PDE4D: variants seen among roughly 807,000 people sequenced by gnomAD.
PDE4D encodes the protein phosphodiesterase 4D.
In PDE4D, 24 loss-of-function variants were observed where a neutral mutation model predicts 87.4. The ratio of observed to expected loss-of-function variants is 0.27; its 90% CI spans 0.20 to 0.39. The LOEUF is 0.39. PDE4D is among the 10% of genes least tolerant of loss of function. The pLI, the probability that PDE4D is intolerant of heterozygous loss-of-function variation, is 1.00. For synonymous variants in PDE4D, 384 were observed against 383.2 expected, an observed-to-expected ratio of 1.00 and a Z score of -0.02; for missense variants, 714 against 1,041.0, an observed-to-expected ratio of 0.69 and a Z score of 4.32.
chr5:59,563,803 G>T (rs1820451359), intron 1 of PDE4D, among the ~76,000 whole-genome samples: 1 of 152,172 alleles, frequency 6.6e-6, no homozygotes, highest in Admixed American at 6.5e-5. Flanking sequence ...AAAAGTTCTG[G>T]TCTTACTCCT....
chr5:59,972,489 G>A (rs1760889874), intron 3 of PDE4D, among the ~76,000 whole-genome samples: 1 of 152,214 alleles, frequency 6.6e-6, no homozygotes, highest in African/African-American at 2.4e-5. Flanking sequence ...ATCAAACCTA[G>A]GTCGCTCACA....
At chr5:59,090,807 C>CTTTTTTTTTTTTTTTTTTTT (rs61610340) in intron 5 of PDE4D, among the ~76,000 whole-genome samples, 3 of 106,020 alleles carry the variant, frequency 2.8e-5, no homozygotes, top group Non-Finnish European at 3.8e-5. Flanking sequence ...TTTTCTTTTT[C>CTTTTTTTTTTTTTTTTTTTT]TTTTTTTTTT....
intron 1 of PDE4D, among the ~76,000 whole-genome samples, chr5:60,288,475 C>T (rs893419448): frequency 4.6e-5 from 7 of 152,032 alleles, no homozygotes; most frequent in African/African-American, 1.4e-4. Flanking sequence ...CAAAATAAAA[C>T]AAAACAAAAA....
intron 1 of PDE4D, among the ~76,000 whole-genome samples, chr5:59,806,277 C>A (rs980566034): frequency 7.9e-5 from 12 of 152,188 alleles, no homozygotes; most frequent in African/African-American, 2.9e-4. Flanking sequence ...CACCTTGGAG[C>A]AGAGGTTCTC....
chr5:59,449,352 G>C (rs966595677), intron 1 of PDE4D, among the ~76,000 whole-genome samples: 1 of 152,146 alleles, frequency 6.6e-6, no homozygotes, highest in African/African-American at 2.4e-5. Flanking sequence ...GTTTGTGCTG[G>C]AAATTTTCCA....
At chr5:59,285,161 AT>A (rs891124365) in intron 1 of PDE4D, among the ~76,000 whole-genome samples, 2 of 142,964 alleles carry the variant, frequency 1.4e-5, no homozygotes, top group Non-Finnish European at 3.0e-5. Context: ...ATGTATACAT[AT>A]GTAACTAACC....
At chr5:59,336,495 G>A (rs915043707) in intron 1 of PDE4D, among the ~76,000 whole-genome samples, 1 of 152,176 alleles carries the variant, frequency 6.6e-6, no homozygotes, top group East Asian at 1.9e-4. Flanking sequence ...GTTAGAAGCA[G>A]GTGTAATTAA....
intron 5 of PDE4D, among the ~76,000 whole-genome samples, chr5:59,141,502 T>C (rs1460406221): frequency 6.6e-6 from 1 of 152,210 alleles, no homozygotes; most frequent in Admixed American, 6.5e-5. Flanking sequence ...AGGCTTCTCC[T>C]GGAAAGTAAA....
At chr5:60,282,208 C>CATAT (rs140298004) in intron 1 of PDE4D, among the ~76,000 whole-genome samples, 2,887 of 128,288 alleles carry the variant, frequency 0.023, 58 homozygotes, top group East Asian at 0.071. Context: ...GAGAAATAAA[C>CATAT]ATATATATAT....
At chr5:59,412,492 T>C (rs1792864825) in intron 1 of PDE4D, among the ~76,000 whole-genome samples, 1 of 152,156 alleles carries the variant, frequency 6.6e-6, no homozygotes, top group Non-Finnish European at 1.5e-5. Flanking sequence ...AGAGGGGAGC[T>C]GAGGGTCTGT....
intron 6 of PDE4D, among the ~76,000 whole-genome samples, chr5:59,004,343 G>T (rs887374139): frequency 6.6e-6 from 1 of 152,162 alleles, no homozygotes; most frequent in African/African-American, 2.4e-5. Flanking sequence ...GAGAATAATA[G>T]TTTCTACCTT....
intron 1 of PDE4D, among the ~76,000 whole-genome samples, chr5:60,453,267 T>C (rs1395323839): frequency 6.6e-6 from 1 of 152,124 alleles, no homozygotes; most frequent in Non-Finnish European, 1.5e-5. Flanking sequence ...GATTGTGTAG[T>C]CGCAAACCTG....
At position 59,183,016 on chromosome 5, in the gene PDE4D, G is replaced by A. The variant is rs529434009; in HGVS notation, c.758+2173C>T. On this transcript the variant is annotated intron_variant, in intron 4 of 14. Coordinates refer to ENST00000340635, the MANE Select transcript of PDE4D (RefSeq NM_001104631.2). ...TTCCATAAAATCCAAGGATGAGCTT[G>A]GAAATGTTCTAGTGGCTCTGTGAGT... 6.6e-5 allele frequency among the ~76,000 whole-genome samples: 10 copies of A among 152,276 alleles called. No individual in the cohort carries two copies. In the East Asian group the frequency reaches 1.9e-3, roughly 29 times the overall value.
intron 1 of PDE4D, among the ~76,000 whole-genome samples, chr5:60,263,155 C>T (rs1204447492): frequency 6.6e-6 from 1 of 152,178 alleles, no homozygotes; most frequent in Non-Finnish European, 1.5e-5. Flanking sequence ...GCCGCAAAGC[C>T]TCTGTTAATG....
At chr5:59,747,780 C>T (rs996522225) in intron 1 of PDE4D, among the ~76,000 whole-genome samples, 2 of 152,164 alleles carry the variant, frequency 1.3e-5, no homozygotes, top group Non-Finnish European at 2.9e-5. Context: ...ACAATCAGCA[C>T]TCCCATTAAG....
At chr5:59,631,688 G>A (rs1042787405) in intron 1 of PDE4D, among the ~76,000 whole-genome samples, 2 of 152,166 alleles carry the variant, frequency 1.3e-5, no homozygotes, top group African/African-American at 2.4e-5. Flanking sequence ...ATGAGGGACT[G>A]TGCCGTGAGG....
At chr5:59,906,895 A>G (rs936026227) in intron 3 of PDE4D, among the ~76,000 whole-genome samples, 1 of 152,168 alleles carries the variant, frequency 6.6e-6, no homozygotes, top group Non-Finnish European at 1.5e-5. Context: ...ACCCAAAGGA[A>G]TATAAATTGT....
chr5:59,230,898 T>G (rs1207334877), intron 1 of PDE4D, among the ~76,000 whole-genome samples: 2 of 152,148 alleles, frequency 1.3e-5, no homozygotes, highest in East Asian at 3.9e-4. Context: ...TTTTCAATCT[T>G]ACTGGGCAAA....
chr5:59,205,047 C>G (rs1407063303), intron 2 of PDE4D, among the ~76,000 whole-genome samples: 1 of 152,024 alleles, frequency 6.6e-6, no homozygotes, highest in Non-Finnish European at 1.5e-5. Flanking sequence ...AGGAACTAGG[C>G]CCTGACAACT....
Sources: gnomAD v4.1 joint callset for allele counts (sites outside exome capture counted in the v4.1 genomes callset) on GRCh38, gnomAD v4.1.1 for gene constraint, MANE v1.5 for transcripts, NCBI Gene and HGNC (gene_info 2026-07-23, HGNC 2026-07-21) for gene names.